The following ZFAND3 variants were observed in gnomAD, a reference collection of about 807,000 sequenced individuals.
ZFAND3 encodes the protein AN1-type zinc finger protein 3.
ZFAND3 carries 10 observed loss-of-function variants against 29.6 expected under a neutral mutation model. That is an observed-to-expected ratio of 0.34 (90% CI 0.21 to 0.57). The LOEUF is 0.57. Among genes scored for constraint, ZFAND3 ranks in the 20% least tolerant of loss-of-function variants. The pLI, the probability that ZFAND3 is intolerant of heterozygous loss-of-function variation, is 0.86. For synonymous variants in ZFAND3, 128 were observed against 112.6 expected, an observed-to-expected ratio of 1.14 and a Z score of -0.87; for missense variants, 230 against 304.5, an observed-to-expected ratio of 0.76 and a Z score of 1.82.
At chr6:38,013,486 C>G (rs1763197164) in intron 2 of ZFAND3, among the ~76,000 whole-genome samples, 1 of 152,242 alleles carries the variant, frequency 6.6e-6, no homozygotes, top group East Asian at 1.9e-4. Flanking sequence ...TGCCTATTTC[C>G]TAGCTTTGCA....
Position 38,122,038 on chromosome 6 carries a change from A to G in ZFAND3, c.529+5299A>G, listed in dbSNP as rs1442567541. ...ACTATTTGGCACTCAGCATTCTTCTATAAGTGAAGCCACCTCCTCTCCCCC... is the reference window on the plus strand; with the variant it reads ...ACTATTTGGCACTCAGCATTCTTCTGTAAGTGAAGCCACCTCCTCTCCCCC... On this transcript the variant is annotated intron_variant, in intron 5 of 5. Transcript: ENST00000287218. Among the ~76,000 whole-genome samples the G allele has an allele frequency of 3.3e-5, 5 of 152,226 alleles. No individual in the cohort carries two copies. The South Asian group carries it at 8.3e-4, about 25-fold the overall frequency.
At chr6:37,919,302 A>G (rs998067220) in intron 1 of ZFAND3, among the ~76,000 whole-genome samples, 5 of 152,172 alleles carry the variant, frequency 3.3e-5, no homozygotes, top group African/African-American at 1.2e-4. Context: ...CTGCACATGC[A>G]TATTTAAAGG....
intron 1 of ZFAND3, among the ~76,000 whole-genome samples, chr6:37,854,246 C>T (rs1210142302): frequency 3.3e-5 from 5 of 152,136 alleles, no homozygotes; most frequent in African/African-American, 7.2e-5. Flanking sequence ...CCACTGCGCC[C>T]GGCTTGCCTT....
At chr6:38,030,154 T>TTTTCC (rs559740841) in intron 2 of ZFAND3, among the ~76,000 whole-genome samples, 19 of 144,876 alleles carry the variant, frequency 1.3e-4, no homozygotes, top group Admixed American at 8.3e-4. Context: ...TTTTCTTTCC[T>TTTTCC]TTTCCTTTCC....
intron 4 of ZFAND3, chr6:38,088,218 T>C (rs566370390): frequency 6.6e-6 from 1 of 152,220 alleles, no homozygotes; most frequent in Non-Finnish European, 1.5e-5. Flanking sequence ...ATTCTTTTTT[T>C]ATCTGTTCCA....
chr6:37,954,959 TA>T (rs773851529), intron 2 of ZFAND3, among the ~76,000 whole-genome samples: 7 of 152,330 alleles, frequency 4.6e-5, no homozygotes, highest in Non-Finnish European at 8.8e-5. Context: ...TAGTTACCTC[TA>T]ACCCTTTCAA....
intron 1 of ZFAND3, among the ~76,000 whole-genome samples, chr6:37,839,556 C>G (rs1290454240): frequency 7.1e-6 from 1 of 140,242 alleles, no homozygotes; most frequent in Non-Finnish European, 1.5e-5. Context: ...CGCTCTGTCG[C>G]CAGGCTGGAG....
intron 1 of ZFAND3, among the ~76,000 whole-genome samples, chr6:37,900,544 C>G (rs1417574970): frequency 6.6e-6 from 1 of 152,106 alleles, no homozygotes; most frequent in Non-Finnish European, 1.5e-5. Context: ...GTAGAGTGCA[C>G]TAGTTCTGTA....
chr6:37,954,165 G>T (rs1762046673), intron 2 of ZFAND3, among the ~76,000 whole-genome samples: 1 of 151,840 alleles, frequency 6.6e-6, no homozygotes, highest in African/African-American at 2.4e-5. Flanking sequence ...TTTATGGCTG[G>T]TTTTGAGTAA....
intron 1 of ZFAND3, among the ~76,000 whole-genome samples, chr6:37,834,024 T>C (rs1167215205): frequency 6.6e-6 from 1 of 152,016 alleles, no homozygotes; most frequent in East Asian, 1.9e-4. Flanking sequence ...TCATTATCAC[T>C]CAAAGCCCAT....
chr6:37,971,759 C>T (rs1279406617), intron 2 of ZFAND3, among the ~76,000 whole-genome samples: 3 of 146,838 alleles, frequency 2.0e-5, no homozygotes, highest in Admixed American at 1.4e-4. Context: ...GAGGTCAAAG[C>T]GGGAGGATTG....
intron 2 of ZFAND3, among the ~76,000 whole-genome samples, chr6:37,948,662 T>C (rs373233336): frequency 1.3e-5 from 2 of 152,240 alleles, no homozygotes; most frequent in Non-Finnish European, 2.9e-5. Context: ...CTTGTATCCA[T>C]GTGTACTTAA....
At chr6:38,081,328 C>T (rs1171046311) in intron 3 of ZFAND3, among the ~76,000 whole-genome samples, 1 of 151,978 alleles carries the variant, frequency 6.6e-6, no homozygotes, top group Non-Finnish European at 1.5e-5. Context: ...GCTGTTATGG[C>T]CTTGTTATAG....
chr6:37,995,547 T>C (rs567078077), intron 2 of ZFAND3, among the ~76,000 whole-genome samples: 79 of 152,208 alleles, frequency 5.2e-4, no homozygotes, highest in Non-Finnish European at 7.5e-4. Flanking sequence ...TTGGAAAATT[T>C]AATTTTGCAG....
At chr6:38,125,948 T>C (rs536400536) in intron 5 of ZFAND3, among the ~76,000 whole-genome samples, 1 of 152,222 alleles carries the variant, frequency 6.6e-6, no homozygotes, top group Non-Finnish European at 1.5e-5. Flanking sequence ...TATTACATTA[T>C]TCATTTCTTT....
intron 2 of ZFAND3, among the ~76,000 whole-genome samples, chr6:38,043,835 A>C (rs1763845102): frequency 1.4e-5 from 2 of 147,640 alleles, no homozygotes; most frequent in South Asian, 4.3e-4. Flanking sequence ...TTTAGAGACG[A>C]AGTCTCACTG....
chr6:37,902,380 T>C (rs1480790681), intron 1 of ZFAND3, among the ~76,000 whole-genome samples: 1 of 151,964 alleles, frequency 6.6e-6, no homozygotes, highest in Non-Finnish European at 1.5e-5. Flanking sequence ...GGAAGGAGGA[T>C]TGCTTGAGCC....
At chr6:37,962,886 T>C (rs1324381168) in intron 2 of ZFAND3, among the ~76,000 whole-genome samples, 1 of 152,180 alleles carries the variant, frequency 6.6e-6, no homozygotes, top group Non-Finnish European at 1.5e-5. Context: ...ACTGTGAATG[T>C]CTGCGGCTTC....
At chr6:37,984,663 A>G (rs1057507490) in intron 2 of ZFAND3, among the ~76,000 whole-genome samples, 4 of 152,238 alleles carry the variant, frequency 2.6e-5, no homozygotes, top group African/African-American at 9.6e-5. Context: ...GATTTATTTA[A>G]AACTTCTACT....
Sources: gnomAD v4.1 joint callset for allele counts (sites outside exome capture counted in the v4.1 genomes callset) on GRCh38, gnomAD v4.1.1 for gene constraint, MANE v1.5 for transcripts, NCBI Gene and HGNC (gene_info 2026-07-23, HGNC 2026-07-21) for gene names.